The following PACSIN2 variants were observed in gnomAD, a reference collection of about 807,000 sequenced individuals.
The protein encoded by PACSIN2 is protein kinase C and casein kinase substrate in neurons protein 2.
Under a neutral mutation model 63.8 loss-of-function variants are expected in PACSIN2, and 25 were observed. That is an observed-to-expected ratio of 0.39 (90% CI 0.29 to 0.55). The LOEUF (loss-of-function observed/expected upper bound fraction) is 0.55. PACSIN2 is among the 20% of genes least tolerant of loss of function. The pLI is 0.62. For synonymous variants in PACSIN2, 255 were observed against 256.2 expected (o/e 1.00, Z 0.05); for missense variants, 518 against 646.9 (o/e 0.80, Z 2.16).
At chr22:42,905,623 C>G (rs978637207) in intron 2 of PACSIN2, among the ~76,000 whole-genome samples, 1 of 152,232 alleles carries the variant, frequency 6.6e-6, no homozygotes, top group Admixed American at 6.5e-5. Flanking sequence ...TTTGATTTTT[C>G]CCAGTATCGG....
rs1199037526 is a variant in PACSIN2 at position 42,884,574 on chromosome 22, C to A, written c.610-13G>T. 6.2e-7 allele frequency: 1 copy of A among 1,610,890 alleles called. No homozygotes were observed. Among genetic ancestry groups the A allele is most frequent in the Non-Finnish European group, 8.5e-7 (1 of 1,177,830 alleles). ...ACTTCTCTTTGGTCTAAAGGAAAAT[C>A]CAGGCACAAGACAGAGGTTCATTTC... is the stretch of plus-strand genomic sequence containing the variant. On this transcript the variant is annotated splice_polypyrimidine_tract_variant and intron_variant, in intron 5 of 10. Transcript: ENST00000263246.
rs77335650 is a variant in PACSIN2, at chr22:42,905,721, C to T, written c.60+6300G>A. Among the ~76,000 whole-genome samples the T allele has an allele frequency of 3.1e-3, 470 of 152,350 alleles. 1 individual carries two copies. Among genetic ancestry groups the T allele is most frequent in the African/African-American group, 0.011 (447 of 41,594 alleles). ...GAGCTGAAAACAAAAATGACAGATT[C>T]GACGGCCTGCAGCAGCCAGCCAAAA... On this transcript the variant is annotated intron_variant, in intron 2 of 10. Transcript: ENST00000263246.
chr22:42,886,298 T>C (rs757151667), intron 5 of PACSIN2, among the ~76,000 whole-genome samples: 31 of 152,166 alleles, frequency 2.0e-4, no homozygotes, highest in Non-Finnish European at 4.0e-4. Context: ...CTTAGGTGGA[T>C]TGTAATATTT....
intron 1 of PACSIN2, among the ~76,000 whole-genome samples, chr22:42,963,238 T>A (rs1400878850): frequency 6.6e-6 from 1 of 152,112 alleles, no homozygotes; most frequent in Non-Finnish European, 1.5e-5. Flanking sequence ...GAAGTGCAAA[T>A]AAATAAAATG....
intron 2 of PACSIN2, among the ~76,000 whole-genome samples, chr22:42,911,755 T>C (rs1325754676): frequency 2.0e-5 from 3 of 152,208 alleles, no homozygotes; most frequent in African/African-American, 7.2e-5. Flanking sequence ...CCCCAAGACC[T>C]TTCATAAACA....
chr22:42,884,146 T>A (rs796856957), intron 6 of PACSIN2, among the ~76,000 whole-genome samples: 1 of 152,082 alleles, frequency 6.6e-6, no homozygotes, highest in African/African-American at 2.4e-5. Flanking sequence ...GGGCCAGCAA[T>A]TGGCCGGGTC....
In PACSIN2 at chr22:42,871,327, C is replaced by T; in HGVS notation, c.*30G>A. The T allele has an allele frequency of 1.4e-6, 2 of 1,443,550 alleles. No individual in the cohort carries two copies. Among genetic ancestry groups the T allele is most frequent in the Non-Finnish European group, 1.9e-6 (2 of 1,036,114 alleles). 89.4% of individuals were successfully genotyped at this position (1,443,550 alleles called of 1,614,324 possible). Reference sequence around the variant, plus strand: ...GCTGAGGCTCCTGGGCCCGCCGCCTCCGTCCCCCCGCTGGCCTGTCCCCGA... The same window carrying T: ...GCTGAGGCTCCTGGGCCCGCCGCCTTCGTCCCCCCGCTGGCCTGTCCCCGA... On this transcript the variant is annotated 3_prime_UTR_variant, in exon 11 of 11. Coordinates refer to ENST00000263246, the MANE Select transcript of PACSIN2 (RefSeq NM_001184970.3). The surrounding 1 kb of genome is among the most constrained non-coding windows in gnomAD (Gnocchi z 5.4).
In PACSIN2 at chr22:42,871,565, A is replaced by AGGGCCAGGCATTCTGTGGC; in HGVS notation, c.1349-115_1349-97dup. On this transcript the variant is annotated intron_variant, in intron 10 of 10. Coordinates refer to ENST00000263246, the MANE Select transcript of PACSIN2 (RefSeq NM_001184970.3). This position sits in a 1 kb window ranked among gnomAD's most constrained non-coding sequence, Gnocchi z 5.4. ...CGAGCTTTGAGCCCACAGAGGGTGG[A>AGGGCCAGGCATTCTGTGGC]GGGCCAGGCATTCTGTGGCGGGCAG... 1 of 942,008 alleles carries AGGGCCAGGCATTCTGTGGC rather than the reference A, an allele frequency of 1.1e-6. No homozygotes were observed. The highest frequency in any genetic ancestry group is 1.7e-6 in the Non-Finnish European group (1 of 575,724). 58.4% of individuals were successfully genotyped at this position (942,008 alleles called of 1,614,324 possible). A position where few individuals can be genotyped will look rare whatever the true frequency, so the allele number is the denominator to read the frequency against.
At chr22:42,941,996 C>T (rs1288766541) in intron 1 of PACSIN2, among the ~76,000 whole-genome samples, 8 of 151,978 alleles carry the variant, frequency 5.3e-5, no homozygotes, top group African/African-American at 1.9e-4. Flanking sequence ...AGGCTGGTCT[C>T]GAACTCTTGA....
chr22:42,992,356 G>C (rs1601611358), intron 1 of PACSIN2, among the ~76,000 whole-genome samples: 1 of 152,130 alleles, frequency 6.6e-6, no homozygotes, highest in South Asian at 2.1e-4. Flanking sequence ...GCAGTGTCTG[G>C]ACATGTTAAA....
chr22:42,917,196 G>T (rs1176087234), intron 1 of PACSIN2, among the ~76,000 whole-genome samples: 1 of 152,202 alleles, frequency 6.6e-6, no homozygotes, highest in African/African-American at 2.4e-5. Context: ...GTTGGAGCTT[G>T]CCCAAGCAGC....
intron 1 of PACSIN2, among the ~76,000 whole-genome samples, chr22:42,985,575 C>T (rs1449096341): frequency 6.6e-6 from 1 of 152,190 alleles, no homozygotes; most frequent in Admixed American, 6.5e-5. Context: ...GCTCGGCCAA[C>T]CCCTGAGAAG....
chr22:42,879,081 G>C lies in PACSIN2; in HGVS notation c.995C>G (p.Thr332Arg). Residue 332 changes from threonine to arginine, a missense_variant, in exon 8 of 11, where the codon ACA becomes AGA. By Grantham distance (71) the Thr-to-Arg change is moderately conservative (BLOSUM62 -1). Transcript: ENST00000263246. Reference sequence around the variant, plus strand: ...CTTACTCGGCAGAGACTGGTCGCCTGTCTGGTTGATGCCCGTCAGGGTGAC... The same window carrying C: ...CTTACTCGGCAGAGACTGGTCGCCTCTCTGGTTGATGCCCGTCAGGGTGAC... ...DGVTLTGINQ[T>R]GDQSLPSKPS... The C allele has an allele frequency of 1.9e-6, 3 of 1,614,120 alleles. No homozygotes were observed. The highest frequency in any genetic ancestry group is 2.5e-6 in the Non-Finnish European group (3 of 1,179,986).
In PACSIN2 at chr22:43,010,398, A is replaced by ATATATATATATTTTTTTTTTT; in HGVS notation, c.-78+4622_-78+4623insAAAAAAAAAAATATATATATA. On this transcript the variant is annotated intron_variant, in intron 1 of 10. Transcript: ENST00000263246. ...TGTTTAAAAATACATATATATATAT[A>ATATATATATATTTTTTTTTTT]TTTTTTTTTAATTGAAAATAAAAAA... Among the ~76,000 whole-genome samples, 136 of 126,396 alleles carry ATATATATATATTTTTTTTTTT rather than the reference A, an allele frequency of 1.1e-3. 1 individual carries two copies. Among genetic ancestry groups the ATATATATATATTTTTTTTTTT allele is most frequent in the South Asian group, 2.2e-3 (8 of 3,688 alleles). 82.9% of individuals were successfully genotyped at this position (126,396 alleles called of 152,430 possible). A position where few individuals can be genotyped will look rare whatever the true frequency, so the allele number is the denominator to read the frequency against.
chr22:42,972,726 A>AG (rs1195536603), intron 1 of PACSIN2, among the ~76,000 whole-genome samples: 5 of 152,082 alleles, frequency 3.3e-5, no homozygotes, highest in Admixed American at 1.3e-4. Context: ...CCTCACTCTA[A>AG]GAAAAGTCAG....
intron 1 of PACSIN2, among the ~76,000 whole-genome samples, chr22:42,939,803 G>A (rs1423285727): frequency 2.0e-5 from 3 of 152,166 alleles, no homozygotes; most frequent in South Asian, 4.1e-4. Context: ...CAGGGTGAAC[G>A]AAAGGTCATT....
chr22:42,976,099 T>C (rs917636405), intron 1 of PACSIN2, among the ~76,000 whole-genome samples: 1 of 152,178 alleles, frequency 6.6e-6, no homozygotes, highest in Non-Finnish European at 1.5e-5. Flanking sequence ...CATCTTATTT[T>C]GCATGTAGGA....
chr22:42,894,378 C>A (rs1602198945), intron 2 of PACSIN2, among the ~76,000 whole-genome samples: 1 of 152,118 alleles, frequency 6.6e-6, no homozygotes, highest in East Asian at 1.9e-4. Flanking sequence ...GTAGCTGGGA[C>A]TACAGGCACG....
At chr22:42,993,626 C>T (rs1163425448) in intron 1 of PACSIN2, 1 of 152,230 alleles carries the variant, frequency 6.6e-6, no homozygotes, top group Admixed American at 6.5e-5. Flanking sequence ...TAACCTTACA[C>T]ACATGAAAAC....
Sources: allele counts gnomAD v4.1 joint callset (sites outside exome capture counted in the v4.1 genomes callset), GRCh38; gene constraint gnomAD v4.1.1; non-coding constraint Gnocchi (gnomAD v3.1); transcripts MANE v1.5; gene names NCBI Gene and HGNC (gene_info 2026-07-23, HGNC 2026-07-21).